Variants in TXNDC16 observed in about 807,000 individuals in gnomAD.
The protein encoded by TXNDC16 is thioredoxin domain-containing protein 16.
A neutral mutation model predicts 85.6 loss-of-function variants in TXNDC16; 74 were observed. That is an observed-to-expected ratio of 0.86 (90% confidence interval 0.72 to 1.05). The LOEUF (loss-of-function observed/expected upper bound fraction) is 1.05. Among genes scored for constraint, TXNDC16 ranks in the 50% least tolerant of loss-of-function variants. TXNDC16 has a pLI of 0.00. For synonymous variants in TXNDC16, 335 were observed against 326.5 expected (o/e 1.03, Z -0.28); for missense variants, 959 against 947.0 (o/e 1.01, Z -0.17).
chr14:52,465,107 A>T (rs1291466232), intron 16 of TXNDC16, among the ~76,000 whole-genome samples: 1 of 152,172 alleles, frequency 6.6e-6, no homozygotes, highest in Non-Finnish European at 1.5e-5. Flanking sequence ...GCTAGATGTA[A>T]ATTTGTAGAA....
At chr14:52,434,677 T>C (rs1286092337) in intron 20 of TXNDC16, among the ~76,000 whole-genome samples, 1 of 152,204 alleles carries the variant, frequency 6.6e-6, no homozygotes, top group Non-Finnish European at 1.5e-5. Context: ...ATTTCCAGAA[T>C]GTTCCTACAA....
intron 9 of TXNDC16, among the ~76,000 whole-genome samples, chr14:52,491,469 A>AT (rs2036405699): frequency 1.3e-5 from 2 of 149,346 alleles, no homozygotes; most frequent in South Asian, 4.2e-4. Flanking sequence ...AAGTGATGGG[A>AT]TTACAGGCAT....
chr14:52,450,437 T>C (rs1287981930), intron 18 of TXNDC16, among the ~76,000 whole-genome samples: 1 of 142,134 alleles, frequency 7.0e-6, no homozygotes, highest in African/African-American at 2.7e-5. Context: ...GAAGCTATAA[T>C]ACAAAGGCTT....
At chr14:52,489,075 T>C (rs1179711980) in intron 11 of TXNDC16, among the ~76,000 whole-genome samples, 1 of 152,166 alleles carries the variant, frequency 6.6e-6, no homozygotes, top group Non-Finnish European at 1.5e-5. Flanking sequence ...GCATTTCACA[T>C]GTAATACCAA....
intron 6 of TXNDC16, among the ~76,000 whole-genome samples, chr14:52,527,590 A>G (rs1245370415): frequency 6.6e-6 from 1 of 152,122 alleles, no homozygotes; most frequent in Admixed American, 6.6e-5. Context: ...ATAAACTCGG[A>G]GATTAATAAT....
intron 6 of TXNDC16, among the ~76,000 whole-genome samples, chr14:52,520,899 AC>A (rs2037194124): frequency 6.6e-6 from 1 of 152,068 alleles, no homozygotes; most frequent in Non-Finnish European, 1.5e-5. Flanking sequence ...GTCTCAGGAA[AC>A]TTTTATATCC....
At chr14:52,480,663 A>T (rs921853052) in intron 14 of TXNDC16, among the ~76,000 whole-genome samples, 1 of 152,032 alleles carries the variant, frequency 6.6e-6, no homozygotes, top group African/African-American at 2.4e-5. Context: ...TCAAAAAAAT[A>T]AAAAAATAAT....
At chr14:52,435,433 GT>G in intron 20 of TXNDC16, among the ~76,000 whole-genome samples, 1 of 152,198 alleles carries the variant, frequency 6.6e-6, no homozygotes, top group East Asian at 1.9e-4. Flanking sequence ...TTTCTGAGGA[GT>G]TTAAGAGCTA....
chr14:52,471,572 A>T (rs1301803721), intron 14 of TXNDC16, among the ~76,000 whole-genome samples: 1 of 152,098 alleles, frequency 6.6e-6, no homozygotes, highest in Admixed American at 6.6e-5. Context: ...TTATCTCCTT[A>T]TGTAATTATA....
At chr14:52,469,017 GA>G (rs956271811) in intron 16 of TXNDC16, among the ~76,000 whole-genome samples, 3 of 150,450 alleles carry the variant, frequency 2.0e-5, no homozygotes, top group Admixed American at 6.6e-5. Context: ...CATACAGAAG[GA>G]AAAAAAAAGG....
At chr14:52,549,408 C>T (rs976795161) in intron 1 of TXNDC16, among the ~76,000 whole-genome samples, 5 of 152,076 alleles carry the variant, frequency 3.3e-5, no homozygotes, top group South Asian at 2.1e-4. Context: ...ATGTTAAAGG[C>T]GACAAAAGTG....
intron 1 of TXNDC16, among the ~76,000 whole-genome samples, chr14:52,548,921 T>C (rs148830418): frequency 1.3e-5 from 2 of 152,306 alleles, no homozygotes; most frequent in East Asian, 3.9e-4. Flanking sequence ...AAACTTCTAA[T>C]GTTTCCGGGT....
At chr14:52,523,852 TTCA>T (rs759107558) in intron 6 of TXNDC16, among the ~76,000 whole-genome samples, 3 of 152,206 alleles carry the variant, frequency 2.0e-5, no homozygotes, top group Non-Finnish European at 4.4e-5. Flanking sequence ...AACTTCCAAA[TTCA>T]TCATCCACAA....
At position 52,470,637 on chromosome 14, in the gene TXNDC16, C is replaced by T; in HGVS notation, c.1356G>A (p.Trp452Ter). The T allele has an allele frequency of 6.2e-7, 1 of 1,613,160 alleles. No homozygotes were observed. The highest frequency in any genetic ancestry group is 2.2e-5 in the East Asian group (1 of 44,816). ...CATTTTGCTTAGTACATACATCAGACCAATCTGCACAGTTTATTCTAGTAA... is the reference window on the plus strand; with the variant it reads ...CATTTTGCTTAGTACATACATCAGATCAATCTGCACAGTTTATTCTAGTAA... ...MLLTRINCAD[W>*]SDVCTKQNVT... The change falls in exon 15 of 21, where the codon TGG (tryptophan) becomes TGA (stop). Residue 452 changes from tryptophan to a stop codon, truncating the protein, a stop_gained. Transcript: ENST00000281741. LOFTEE classifies it high-confidence loss of function.
intron 8 of TXNDC16, 82 bp from the exon 9 acceptor site, chr14:52,511,472 G>A: frequency 2.2e-6 from 2 of 895,732 alleles, no homozygotes; most frequent in East Asian, 2.9e-5. Context: ...AATGAATTTT[G>A]TCTTAAGTCT....
At position 52,543,385 on chromosome 14, in the gene TXNDC16, T is replaced by G; in HGVS notation, c.160+13A>C. On this transcript the variant is annotated intron_variant, in intron 3 of 20. Coordinates refer to ENST00000281741, the MANE Select transcript of TXNDC16 (RefSeq NM_020784.3). ...CATCACAAGAATCATATTAGAATTT[T>G]AAAAATACTTACCAGCTTGACAAAA... is the stretch of plus-strand genomic sequence containing the variant. The G allele has an allele frequency of 6.3e-7, 1 of 1,593,300 alleles. No homozygotes were observed. The highest frequency in any genetic ancestry group is 8.5e-7 in the Non-Finnish European group (1 of 1,174,132).
intron 18 of TXNDC16, among the ~76,000 whole-genome samples, chr14:52,452,358 C>T (rs926665400): frequency 6.6e-6 from 1 of 152,034 alleles, no homozygotes; most frequent in Non-Finnish European, 1.5e-5. Context: ...TCACAAAAGA[C>T]CCAGAATAGC....
At chr14:52,480,700 G>A (rs1770884357) in intron 14 of TXNDC16, among the ~76,000 whole-genome samples, 1 of 151,900 alleles carries the variant, frequency 6.6e-6, no homozygotes, top group South Asian at 2.1e-4. Context: ...GTGGTGAACA[G>A]GGAACTCTTC....
At chr14:52,507,689 C>T (rs1566567715) in intron 9 of TXNDC16, among the ~76,000 whole-genome samples, 1 of 152,160 alleles carries the variant, frequency 6.6e-6, no homozygotes, top group Non-Finnish European at 1.5e-5. Flanking sequence ...GTAACCAAAA[C>T]AGCATGGTAC....
Sources: allele counts gnomAD v4.1 joint callset (sites outside exome capture counted in the v4.1 genomes callset), GRCh38; gene constraint gnomAD v4.1.1; transcripts MANE v1.5; gene names NCBI Gene and HGNC (gene_info 2026-07-23, HGNC 2026-07-21).